Variants in SGCD observed in about 807,000 individuals in gnomAD.
SGCD encodes the protein sarcoglycan delta.
SGCD carries 18 observed loss-of-function variants against 36.6 expected under a neutral mutation model. The ratio of observed to expected loss-of-function variants is 0.49; its 90% CI spans 0.34 to 0.73. The LOEUF (loss-of-function observed/expected upper bound fraction) is 0.73, where lower values mean the gene tolerates loss of function less well. Ranked by LOEUF, SGCD falls within the 30% of genes least tolerant of loss-of-function variation. SGCD has a pLI of 0.01. For synonymous variants in SGCD, 133 were observed against 130.6 expected, an observed-to-expected ratio of 1.02 and a Z score of -0.12; for missense variants, 387 against 346.7, an observed-to-expected ratio of 1.12 and a Z score of -0.92.
At chr5:156,651,870 A>G (rs1763476091) in intron 7 of SGCD, among the ~76,000 whole-genome samples, 1 of 152,000 alleles carries the variant, frequency 6.6e-6, no homozygotes, top group African/African-American at 2.4e-5. Flanking sequence ...CAGTAAGACC[A>G]TTTTAACAAT....
At chr5:155,946,116 G>A (rs562814087) in intron 1 of SGCD, among the ~76,000 whole-genome samples, 4 of 152,294 alleles carry the variant, frequency 2.6e-5, no homozygotes, top group East Asian at 3.9e-4. Context: ...GCTGGTGGTG[G>A]TCACTGGGGT....
chr5:156,192,180 T>C (rs1763907663), intron 3 of SGCD, among the ~76,000 whole-genome samples: 1 of 152,170 alleles, frequency 6.6e-6, no homozygotes, highest in Admixed American at 6.6e-5. Context: ...TATAATCTTA[T>C]GATAGTGATG....
At chr5:155,756,357 T>G in the SGCD span, among the ~76,000 whole-genome samples, 6 of 152,228 alleles carry the variant, frequency 3.9e-5, no homozygotes, top group Non-Finnish European at 8.8e-5. Flanking sequence ...TTTAAGCTGT[T>G]TCTTTTCTAA....
the SGCD span, among the ~76,000 whole-genome samples, chr5:155,788,963 A>G: frequency 6.6e-6 from 1 of 152,172 alleles, no homozygotes; most frequent in African/African-American, 2.4e-5. Flanking sequence ...TGATTGGAGA[A>G]AGCATTTGGA....
chr5:156,076,998 G>A (rs772669287), intron 1 of SGCD, among the ~76,000 whole-genome samples: 26 of 152,158 alleles, frequency 1.7e-4, no homozygotes, highest in Non-Finnish European at 2.8e-4. Context: ...GTCTCTGTAT[G>A]GAAAATATAA....
intron 1 of SGCD, among the ~76,000 whole-genome samples, chr5:155,891,660 G>A (rs1321410225): frequency 7.3e-6 from 1 of 136,682 alleles, no homozygotes; most frequent in African/African-American, 2.7e-5. Context: ...ACTAAGGCTT[G>A]GGTGCTCTGG....
chr5:156,206,046 G>A (rs62380746), intron 3 of SGCD, among the ~76,000 whole-genome samples: 32,712 of 148,450 alleles, frequency 0.22, 4,263 homozygotes, highest in East Asian at 0.62. Flanking sequence ...AAATGAATAT[G>A]TGCATCTATG....
intron 6 of SGCD, among the ~76,000 whole-genome samples, chr5:156,606,401 C>T (rs185092847): frequency 1.3e-5 from 2 of 152,040 alleles, no homozygotes; most frequent in Non-Finnish European, 2.9e-5. Context: ...TTCCATTGGT[C>T]TATATCTCTG....
intron 3 of SGCD, among the ~76,000 whole-genome samples, chr5:156,467,207 C>G (rs964856153): frequency 6.6e-6 from 1 of 152,166 alleles, no homozygotes. Context: ...TGGCTCCTAA[C>G]TTAACACTAA....
intron 3 of SGCD, among the ~76,000 whole-genome samples, chr5:156,489,498 G>C (rs574216043): frequency 6.6e-6 from 1 of 151,860 alleles, no homozygotes; most frequent in African/African-American, 2.4e-5. Context: ...ATCAACAATT[G>C]TTTTTTAAAA....
chr5:155,783,253 TA>T, the SGCD span, among the ~76,000 whole-genome samples: 1 of 152,212 alleles, frequency 6.6e-6, no homozygotes, highest in Non-Finnish European at 1.5e-5. Context: ...CATACACTAT[TA>T]AAGCTTGGGA....
intron 2 of SGCD, among the ~76,000 whole-genome samples, chr5:156,120,980 A>G (rs1001218154): frequency 6.6e-6 from 1 of 152,142 alleles, no homozygotes; most frequent in East Asian, 1.9e-4. Context: ...ACGAGAAAGC[A>G]GACAATAAAT....
chr5:156,651,934 G>T (rs1003804195), intron 7 of SGCD, among the ~76,000 whole-genome samples: 1 of 151,788 alleles, frequency 6.6e-6, no homozygotes, highest in Non-Finnish European at 1.5e-5. Flanking sequence ...CCCATTTGTT[G>T]TGTCAACTAT....
intron 3 of SGCD, among the ~76,000 whole-genome samples, chr5:156,231,682 G>T (rs1765022653): frequency 6.6e-6 from 1 of 152,192 alleles, no homozygotes; most frequent in South Asian, 2.1e-4. Context: ...AGAAAGTAGA[G>T]CTATAGGACA....
At chr5:155,955,472 C>G (rs1757631986) in intron 1 of SGCD, among the ~76,000 whole-genome samples, 1 of 152,024 alleles carries the variant, frequency 6.6e-6, no homozygotes, top group Non-Finnish European at 1.5e-5. Flanking sequence ...TTGACAGGAG[C>G]CTTTCAGTTC....
intron 3 of SGCD, among the ~76,000 whole-genome samples, chr5:156,170,365 A>G (rs1057411533): frequency 1.3e-5 from 2 of 152,190 alleles, no homozygotes; most frequent in African/African-American, 4.8e-5. Context: ...ATTAGTAGTA[A>G]TTGTCCACCT....
At chr5:156,148,583 A>G (rs1308803944) in intron 3 of SGCD, among the ~76,000 whole-genome samples, 2 of 152,072 alleles carry the variant, frequency 1.3e-5, no homozygotes, top group African/African-American at 2.4e-5. Context: ...TTTGTGGGTA[A>G]GTTCCTGAAC....
intron 1 of SGCD, among the ~76,000 whole-genome samples, chr5:156,071,645 G>C (rs1274331036): frequency 6.6e-6 from 1 of 152,110 alleles, no homozygotes; most frequent in Non-Finnish European, 1.5e-5. Flanking sequence ...TGTCTATTAG[G>C]TCCGCTTGGT....
intron 1 of SGCD, among the ~76,000 whole-genome samples, chr5:156,092,879 C>T (rs1184748805): frequency 1.3e-5 from 2 of 152,332 alleles, no homozygotes; most frequent in East Asian, 1.9e-4. Context: ...ATTGTTCTTA[C>T]AACTCCTGTT....
Sources: allele counts gnomAD v4.1 joint callset (sites outside exome capture counted in the v4.1 genomes callset), GRCh38; gene constraint gnomAD v4.1.1; transcripts MANE v1.5; gene names NCBI Gene and HGNC (gene_info 2026-07-23, HGNC 2026-07-21).